The following VPS50 variants were observed in gnomAD, a reference collection of about 807,000 sequenced individuals.
VPS50 encodes the protein syndetin.
A neutral mutation model predicts 139.7 loss-of-function variants in VPS50; 70 were observed. The observed-to-expected ratio is 0.50, with a 90% CI of 0.41 to 0.61. The LOEUF is 0.61. VPS50 is among the 20% of genes least tolerant of loss of function. The probability of loss-of-function intolerance (pLI) is 0.00; values close to 1 mark genes in which losing one functional copy is unlikely to be tolerated. For synonymous variants in VPS50, 365 were observed against 376.7 expected (o/e 0.97, Z 0.36); for missense variants, 921 against 1,133.7 (o/e 0.81, Z 2.69).
At chr7:93,328,031 C>T (rs980254822) in intron 21 of VPS50, among the ~76,000 whole-genome samples, 3 of 152,140 alleles carry the variant, frequency 2.0e-5, no homozygotes, top group Non-Finnish European at 4.4e-5. Flanking sequence ...AAGGATTACT[C>T]CTATTAATAC....
At chr7:93,274,670 T>C (rs1796102358) in intron 11 of VPS50, among the ~76,000 whole-genome samples, 1 of 152,158 alleles carries the variant, frequency 6.6e-6, no homozygotes, top group Non-Finnish European at 1.5e-5. Flanking sequence ...CTGCATCACA[T>C]GGATCAAGGA....
At chr7:93,358,132 CTCT>C (rs1219570927) in intron 27 of VPS50, among the ~76,000 whole-genome samples, 182 bp from the exon 28 acceptor site, 1 of 152,110 alleles carries the variant, frequency 6.6e-6, no homozygotes, top group African/African-American at 2.4e-5. Context: ...TATTCTTATT[CTCT>C]CCTATTACAG....
In VPS50 at chr7:93,257,240, A is replaced by T. The variant is rs192462846; in HGVS notation, c.352-154A>T. On this transcript the variant is annotated intron_variant, in intron 5 of 27. Transcript: ENST00000305866. ...TTTTAAATAATTTTGTGAAAAATAT[A>T]CTAATAGTTTTCAAGTTCAGGTATT... Among the ~76,000 whole-genome samples, 22 of 152,204 alleles carry T rather than the reference A, an allele frequency of 1.4e-4. No individual in the cohort carries two copies. In the East Asian group the frequency reaches 3.9e-3, roughly 27 times the overall value.
At chr7:93,261,726 T>TTGTGC (rs1795689907) in intron 9 of VPS50, among the ~76,000 whole-genome samples, 4 of 148,424 alleles carry the variant, frequency 2.7e-5, no homozygotes, top group Admixed American at 2.7e-4. Flanking sequence ...GAGAAGGAAG[T>TTGTGC]TGTGCATACA....
At chr7:93,242,157 C>G (rs1374323646) in intron 2 of VPS50, among the ~76,000 whole-genome samples, 1 of 151,696 alleles carries the variant, frequency 6.6e-6, no homozygotes, top group Non-Finnish European at 1.5e-5. Context: ...TATGCATATT[C>G]CACAAATTTA....
At chr7:93,234,939 T>TAAAA (rs11289729) in intron 1 of VPS50, among the ~76,000 whole-genome samples, 2 of 144,686 alleles carry the variant, frequency 1.4e-5, no homozygotes, top group African/African-American at 2.5e-5. Flanking sequence ...CTATTCTAAG[T>TAAAA]AAAAAAAAAA....
chr7:93,246,602 T>C (rs552025634), intron 2 of VPS50, among the ~76,000 whole-genome samples: 4 of 152,020 alleles, frequency 2.6e-5, no homozygotes, highest in South Asian at 2.1e-4. Context: ...GCAGAAAATA[T>C]TGAGTTTAAT....
At chr7:93,248,578 C>T (rs1425113984) in intron 2 of VPS50, among the ~76,000 whole-genome samples, 1 of 151,962 alleles carries the variant, frequency 6.6e-6, no homozygotes. Flanking sequence ...GAAACAAGAG[C>T]ATATTGTCTT....
chr7:93,294,725 A>G (rs1471907170), intron 14 of VPS50, 89 bp downstream of exon 14: 2 of 965,852 alleles, frequency 2.1e-6, no homozygotes, highest in African/African-American at 1.7e-5. Context: ...TTTTCTATAT[A>G]TGTATTCTTT....
At chr7:93,312,241 T>C (rs1450035463) in intron 20 of VPS50, among the ~76,000 whole-genome samples, 2 of 152,328 alleles carry the variant, frequency 1.3e-5, no homozygotes, top group East Asian at 3.9e-4. Flanking sequence ...ATTCTGTGGC[T>C]AATTATTGCC....
chr7:93,358,704 A>G lies in VPS50; in HGVS notation c.*268A>G, dbSNP rs1287371401. The G allele has an allele frequency of 1.8e-5, 5 of 277,292 alleles. No individual in the cohort carries two copies. Among genetic ancestry groups the G allele is most frequent in the East Asian group, 6.8e-5 (1 of 14,766 alleles). 17.2% of individuals were successfully genotyped at this position (277,292 alleles called of 1,614,324 possible). A position where few individuals can be genotyped will look rare whatever the true frequency, so the allele number is the denominator to read the frequency against. ...AATGGTTATGTGACTACAGTTATACATTTTACAGAAGAATGTACCATAAGT... is the reference window on the plus strand; with the variant it reads ...AATGGTTATGTGACTACAGTTATACGTTTTACAGAAGAATGTACCATAAGT... On this transcript the variant is annotated 3_prime_UTR_variant, in exon 28 of 28. Transcript: ENST00000305866.
At chr7:93,311,039 C>G in intron 19 of VPS50, 127 bp from the exon 20 acceptor site, 1 of 638,406 alleles carries the variant, frequency 1.6e-6, no homozygotes, top group Non-Finnish European at 2.8e-6. Context: ...ATTTCTATAT[C>G]TTTACCTAAT....
chr7:93,246,281 AACAC>A (rs373372521), intron 2 of VPS50, among the ~76,000 whole-genome samples: 5 of 150,906 alleles, frequency 3.3e-5, no homozygotes, highest in African/African-American at 4.9e-5. Context: ...TTTCCTTCTC[AACAC>A]ACACACACAC....
intron 10 of VPS50, 37 bp downstream of exon 10, chr7:93,271,299 C>G: frequency 6.7e-7 from 1 of 1,489,894 alleles, no homozygotes; most frequent in Non-Finnish European, 8.9e-7. Flanking sequence ...ATGAGTTTTT[C>G]TTTTCAGAAG....
chr7:93,318,091 C>CTA (rs1254676010), intron 20 of VPS50, among the ~76,000 whole-genome samples: 1 of 151,016 alleles, frequency 6.6e-6, no homozygotes, highest in African/African-American at 2.4e-5. Context: ...ATAATACATA[C>CTA]TATATGTTAT....
intron 1 of VPS50, among the ~76,000 whole-genome samples, chr7:93,235,308 T>C (rs570393201): frequency 8.5e-5 from 13 of 152,310 alleles, no homozygotes; most frequent in African/African-American, 3.1e-4. Flanking sequence ...AGCTAGATCA[T>C]GTAGTACCTT....
At chr7:93,243,499 G>A (rs1421401441) in intron 2 of VPS50, among the ~76,000 whole-genome samples, 1 of 151,938 alleles carries the variant, frequency 6.6e-6, no homozygotes, top group Non-Finnish European at 1.5e-5. Context: ...CTAAAAAATT[G>A]TTTGGAAGTT....
chr7:93,299,069 T>A (rs1356525817), intron 16 of VPS50, among the ~76,000 whole-genome samples: 1 of 152,174 alleles, frequency 6.6e-6, no homozygotes, highest in Non-Finnish European at 1.5e-5. Flanking sequence ...ACAGCAAAAA[T>A]TTAATTATTA....
In VPS50 at chr7:93,334,144, A is replaced by T. The variant is rs1393326423; in HGVS notation, c.2005A>T (p.Ser669Cys). Reference sequence around the variant, plus strand: ...GGAATCAACTGGACTCGGCCTTAGTAGTAGTAGACTAAGAACAACTCTAAA... The same window carrying T: ...GGAATCAACTGGACTCGGCCTTAGTTGTAGTAGACTAAGAACAACTCTAAA... The part of the protein sequence containing the change: ...SLESTGLGLS[S>C]SRLRTTLNRI... The change falls in exon 22 of 28, where the codon AGT becomes TGT. Residue 669 changes from serine (S) to cysteine (C), a missense_variant. Physicochemically the swap from Ser to Cys is moderately radical, Grantham distance 112 (BLOSUM62 -1). Coordinates refer to ENST00000305866, the MANE Select transcript of VPS50 (RefSeq NM_017667.4). 6.2e-7 allele frequency: 1 copy of T among 1,600,096 alleles called. No individual in the cohort carries two copies. The highest frequency in any genetic ancestry group is 8.5e-7 in the Non-Finnish European group (1 of 1,169,604).
Sources: allele counts gnomAD v4.1 joint callset (sites outside exome capture counted in the v4.1 genomes callset), GRCh38; gene constraint gnomAD v4.1.1; transcripts MANE v1.5; gene names NCBI Gene and HGNC (gene_info 2026-07-23, HGNC 2026-07-21).